The following EPHB1 variants were observed in gnomAD, a reference collection of about 807,000 sequenced individuals.
EPHB1 encodes the protein EPH receptor B1.
EPHB1 carries 30 observed loss-of-function variants against 94.4 expected under a neutral mutation model. The observed-to-expected ratio is 0.32, with a 90% CI of 0.24 to 0.43. The LOEUF is 0.43. Among genes scored for constraint, EPHB1 ranks in the 20% least tolerant of loss-of-function variants. EPHB1 has a pLI of 1.00. For synonymous variants in EPHB1, 522 were observed against 489.1 expected (o/e 1.07, Z -0.89); for missense variants, 1,055 against 1,308.3 (o/e 0.81, Z 2.99).
intron 1 of EPHB1, among the ~76,000 whole-genome samples, chr3:134,859,655 C>CT (rs2037204327): frequency 6.6e-6 from 1 of 152,176 alleles, no homozygotes; most frequent in Non-Finnish European, 1.5e-5. Flanking sequence ...CTCATGGAGC[C>CT]TGCCAGCTGC....
intron 4 of EPHB1, among the ~76,000 whole-genome samples, chr3:135,116,169 G>A (rs1024287377): frequency 2.6e-5 from 4 of 152,152 alleles, no homozygotes; most frequent in South Asian, 2.1e-4. Context: ...AGCCGAGATC[G>A]TGCCACTGCA....
chr3:135,201,168 G>T (rs113847855), intron 11 of EPHB1, among the ~76,000 whole-genome samples: 5,897 of 152,050 alleles, frequency 0.039, 169 homozygotes, highest in Non-Finnish European at 0.059. Flanking sequence ...ATTGGGGGGC[G>T]GGCAAGGAGG....
intron 1 of EPHB1, among the ~76,000 whole-genome samples, chr3:134,851,058 A>ATCTGAGTGTG (rs1243702842): frequency 2.0e-5 from 3 of 152,158 alleles, no homozygotes; most frequent in Non-Finnish European, 4.4e-5. Context: ...TGGACTGAAG[A>ATCTGAGTGTG]TCTGAGTGTG....
intron 15 of EPHB1, among the ~76,000 whole-genome samples, chr3:135,258,335 G>A (rs1243800915): frequency 1.3e-5 from 2 of 152,154 alleles, no homozygotes; most frequent in African/African-American, 2.4e-5. Flanking sequence ...ATGGCACGTG[G>A]GATGCATTCA....
At chr3:135,068,888 TCTGC>T (rs1452515686) in intron 3 of EPHB1, among the ~76,000 whole-genome samples, 1 of 151,532 alleles carries the variant, frequency 6.6e-6, no homozygotes, top group African/African-American at 2.4e-5. Context: ...GACCTCGTGA[TCTGC>T]CCGCCCCGGC....
At chr3:135,059,326 C>G (rs1937429996) in intron 3 of EPHB1, among the ~76,000 whole-genome samples, 1 of 152,210 alleles carries the variant, frequency 6.6e-6, no homozygotes, top group Non-Finnish European at 1.5e-5. Flanking sequence ...TGCCTGAGTA[C>G]CATGTTATCT....
intron 1 of EPHB1, among the ~76,000 whole-genome samples, chr3:134,864,058 C>T (rs766282639): frequency 2.0e-5 from 3 of 152,174 alleles, no homozygotes; most frequent in Non-Finnish European, 4.4e-5. Flanking sequence ...AGGAAAGTAG[C>T]GCATCCTGTC....
intron 1 of EPHB1, among the ~76,000 whole-genome samples, chr3:134,877,778 C>T (rs2108310117): frequency 6.6e-6 from 1 of 152,288 alleles, no homozygotes; most frequent in Non-Finnish European, 1.5e-5. Flanking sequence ...GCCTGTCATA[C>T]CCGTGGTTTC....
At chr3:135,127,172 C>T (rs1363969096) in intron 4 of EPHB1, among the ~76,000 whole-genome samples, 2 of 152,196 alleles carry the variant, frequency 1.3e-5, no homozygotes, top group Non-Finnish European at 2.9e-5. Context: ...TTACTGTGAA[C>T]ACTTAGGAGG....
intron 1 of EPHB1, among the ~76,000 whole-genome samples, chr3:134,896,708 C>T (rs1044799534): frequency 5.3e-5 from 8 of 152,234 alleles, no homozygotes; most frequent in Admixed American, 6.5e-5. Flanking sequence ...AGGGATAATT[C>T]CCTGAGGTGC....
chr3:134,929,935 A>C (rs922946114), intron 2 of EPHB1, among the ~76,000 whole-genome samples: 1 of 152,214 alleles, frequency 6.6e-6, no homozygotes, highest in African/African-American at 2.4e-5. Context: ...CTGTCAGCCC[A>C]AAAAGGAGGG....
intron 13 of EPHB1, among the ~76,000 whole-genome samples, chr3:135,243,155 A>G (rs796651739): frequency 4.6e-5 from 7 of 152,242 alleles, no homozygotes; most frequent in African/African-American, 1.7e-4. Context: ...TAATCTGACT[A>G]AGAACAATTC....
At chr3:134,895,418 C>T (rs572854791) in intron 1 of EPHB1, among the ~76,000 whole-genome samples, 152 of 152,306 alleles carry the variant, frequency 1.0e-3, no homozygotes, top group African/African-American at 3.5e-3. Flanking sequence ...GAGTGAGTGG[C>T]TATCCTTCCA....
intron 15 of EPHB1, among the ~76,000 whole-genome samples, chr3:135,257,086 C>G (rs555290836): frequency 3.4e-5 from 5 of 147,642 alleles, no homozygotes; most frequent in Non-Finnish European, 7.5e-5. Flanking sequence ...TTAAGCACTT[C>G]TCTGTATTGG....
chr3:134,857,065 G>A (rs993836172), intron 1 of EPHB1, among the ~76,000 whole-genome samples: 5 of 152,184 alleles, frequency 3.3e-5, no homozygotes, highest in Admixed American at 6.5e-5. Context: ...CTTCTCAGGC[G>A]ACTGGGGTGG....
At chr3:135,230,398 C>T (rs1360662598) in intron 12 of EPHB1, among the ~76,000 whole-genome samples, 1 of 151,158 alleles carries the variant, frequency 6.6e-6, no homozygotes, top group African/African-American at 2.4e-5. Context: ...ACCCCACCAT[C>T]TAGGAGAGCA....
At chr3:134,953,221 C>A (rs1933108461) in intron 3 of EPHB1, among the ~76,000 whole-genome samples, 1 of 152,232 alleles carries the variant, frequency 6.6e-6, no homozygotes, top group Non-Finnish European at 1.5e-5. Flanking sequence ...TCCCCAGACA[C>A]CTGCAGCTGA....
At chr3:134,983,471 T>A (rs967349990) in intron 3 of EPHB1, among the ~76,000 whole-genome samples, 2 of 152,226 alleles carry the variant, frequency 1.3e-5, no homozygotes, top group African/African-American at 4.8e-5. Context: ...TCTCTTGCCA[T>A]CTGGGTTCAG....
At chr3:135,097,096 C>CAAA (rs1182116389) in intron 3 of EPHB1, among the ~76,000 whole-genome samples, 5 of 83,464 alleles carry the variant, frequency 6.0e-5, no homozygotes, top group Non-Finnish European at 8.5e-5. Flanking sequence ...ACTCTGTCTA[C>CAAA]AAAAAAAAAA....
Sources: gnomAD v4.1 joint callset for allele counts (sites outside exome capture counted in the v4.1 genomes callset) on GRCh38, gnomAD v4.1.1 for gene constraint, MANE v1.5 for transcripts, NCBI Gene and HGNC (gene_info 2026-07-23, HGNC 2026-07-21) for gene names.